Variants in CBLN2 observed in about 807,000 individuals in gnomAD.
The protein encoded by CBLN2 is cerebellin-2.
In CBLN2, 7 loss-of-function variants were observed where a neutral mutation model predicts 15.0. That is an observed-to-expected ratio of 0.47 (90% CI 0.27 to 0.88). The LOEUF (loss-of-function observed/expected upper bound fraction) is 0.88. CBLN2 is among the 40% of genes least tolerant of loss of function. The pLI is 0.14. For missense variants in CBLN2, 242 were observed against 304.5 expected, an observed-to-expected ratio of 0.79 and a Z score of 1.53; for synonymous variants, 149 against 135.2, an observed-to-expected ratio of 1.10 and a Z score of -0.71.
chr18:72,562,725 A>C (rs1349369842), intron 1 of CBLN2, among the ~76,000 whole-genome samples: 1 of 152,254 alleles, frequency 6.6e-6, no homozygotes, highest in Non-Finnish European at 1.5e-5. Context: ...TTAAGGAGGC[A>C]GTTTAAAATG....
At chr18:72,562,075 C>G (rs2069265012) in intron 1 of CBLN2, among the ~76,000 whole-genome samples, 1 of 152,156 alleles carries the variant, frequency 6.6e-6, no homozygotes, top group Non-Finnish European at 1.5e-5. Context: ...GTGTCTGCTA[C>G]TACCCTTTAG....
chr18:72,638,280 G>T, intron 1 of CBLN2: 1 of 398,476 alleles, frequency 2.5e-6, no homozygotes, highest in Non-Finnish European at 4.4e-6. Context: ...CCTTTGCTAG[G>T]ATAAAATACT....
At chr18:72,576,035 A>G (rs2069364526) in intron 1 of CBLN2, among the ~76,000 whole-genome samples, 1 of 152,224 alleles carries the variant, frequency 6.6e-6, no homozygotes, top group Non-Finnish European at 1.5e-5. Context: ...ATATTTACTG[A>G]GAATATACTA....
At chr18:72,548,504 C>G (rs2069172591), upstream of CBLN2, among the ~76,000 whole-genome samples, 1 of 152,164 alleles carries the variant, frequency 6.6e-6, no homozygotes, top group Non-Finnish European at 1.5e-5. Flanking sequence ...CATAGAGTTG[C>G]TCATTGCCCA....
At chr18:72,601,572 C>G (rs2069548559) in intron 1 of CBLN2, among the ~76,000 whole-genome samples, 1 of 152,204 alleles carries the variant, frequency 6.6e-6, no homozygotes, top group African/African-American at 2.4e-5. Context: ...CAGACCCTCA[C>G]CATTCTACAA....
chr18:72,566,654 G>A (rs1284995663), intron 1 of CBLN2, among the ~76,000 whole-genome samples: 1 of 152,116 alleles, frequency 6.6e-6, no homozygotes, highest in East Asian at 1.9e-4. Flanking sequence ...GTGGAGGGTA[G>A]GAGCAAGGAC....
At chr18:72,637,067 T>C (rs575208770) in intron 1 of CBLN2, among the ~76,000 whole-genome samples, 1 of 146,198 alleles carries the variant, frequency 6.8e-6, no homozygotes, top group South Asian at 2.2e-4. Flanking sequence ...CCAGTTGCAA[T>C]GAGAAAACAG....
intron 1 of CBLN2, among the ~76,000 whole-genome samples, chr18:72,586,996 A>T (rs1479510692): frequency 1.3e-5 from 2 of 152,234 alleles, no homozygotes; most frequent in East Asian, 3.9e-4. Context: ...ATAAAAGGGT[A>T]CAAAGTTAGA....
chr18:72,615,127 A>G (rs1356996365), intron 1 of CBLN2, among the ~76,000 whole-genome samples: 3 of 133,002 alleles, frequency 2.3e-5, no homozygotes, highest in African/African-American at 8.6e-5. Flanking sequence ...ATATATATAA[A>G]TATATTATAT....
At chr18:72,559,409 C>T (rs2069246257) in intron 1 of CBLN2, among the ~76,000 whole-genome samples, 1 of 152,220 alleles carries the variant, frequency 6.6e-6, no homozygotes, top group African/African-American at 2.4e-5. Context: ...CAAGAAAGGC[C>T]TGTGCCAGGC....
At chr18:72,557,673 A>G (rs2069234872) in intron 1 of CBLN2, among the ~76,000 whole-genome samples, 1 of 152,178 alleles carries the variant, frequency 6.6e-6, no homozygotes, top group Non-Finnish European at 1.5e-5. Flanking sequence ...CAAACACCAC[A>G]TGTTCTCACT....
At chr18:72,625,744 G>A (rs1332005168) in intron 1 of CBLN2, among the ~76,000 whole-genome samples, 1 of 118,942 alleles carries the variant, frequency 8.4e-6, no homozygotes, top group Non-Finnish European at 1.7e-5. Context: ...TTGTCCGTTA[G>A]ACCAAATGCT....
chr18:72,615,084 AAT>A (rs1331518779), intron 1 of CBLN2, among the ~76,000 whole-genome samples: 1 of 137,396 alleles, frequency 7.3e-6, no homozygotes, highest in South Asian at 2.2e-4. Context: ...TATTATAGAA[AAT>A]ATATATAAAT....
chr18:72,544,441 G>C (rs1251819391), upstream of CBLN2: 1 of 152,196 alleles, frequency 6.6e-6, no homozygotes, highest in Non-Finnish European at 1.5e-5. Flanking sequence ...GCTGCGCCTG[G>C]AGCTCGGCTG....
chr18:72,621,617 C>T (rs756417938), intron 1 of CBLN2, among the ~76,000 whole-genome samples: 45 of 152,272 alleles, frequency 3.0e-4, no homozygotes, highest in Admixed American at 7.9e-4. Flanking sequence ...TTTTAGCCTT[C>T]TAAGTAAGAA....
intron 1 of CBLN2, among the ~76,000 whole-genome samples, chr18:72,570,110 A>T (rs1469159069): frequency 2.6e-5 from 4 of 152,214 alleles, no homozygotes; most frequent in Admixed American, 1.3e-4. Context: ...ACATTGACTC[A>T]TCAAATCCTA....
chr18:72,547,144 ACAC>A (rs2069163776), upstream of CBLN2, among the ~76,000 whole-genome samples: 3 of 132,316 alleles, frequency 2.3e-5, no homozygotes, highest in Non-Finnish European at 5.2e-5. Context: ...ACACACACAC[ACAC>A]AATTGGAATA....
At chr18:72,559,851 G>A (rs768478515) in intron 1 of CBLN2, among the ~76,000 whole-genome samples, 1 of 152,202 alleles carries the variant, frequency 6.6e-6, no homozygotes, top group Non-Finnish European at 1.5e-5. Context: ...CAAATGAAGT[G>A]CAATGAAAAG....
At chr18:72,567,640 C>T (rs899664353) in intron 1 of CBLN2, among the ~76,000 whole-genome samples, 2 of 152,170 alleles carry the variant, frequency 1.3e-5, no homozygotes, top group Non-Finnish European at 2.9e-5. Flanking sequence ...CATTATTTCA[C>T]AAAGTCTCCA....
Sources: gnomAD v4.1 joint callset for allele counts (sites outside exome capture counted in the v4.1 genomes callset) on GRCh38, gnomAD v4.1.1 for gene constraint, MANE v1.5 for transcripts, NCBI Gene and HGNC (gene_info 2026-07-23, HGNC 2026-07-21) for gene names.